The following DERL1 variants were observed in gnomAD, a reference collection of about 807,000 sequenced individuals.
DERL1 encodes the protein derlin-1.
Under a neutral mutation model 41.6 loss-of-function variants are expected in DERL1, and 24 were observed. The ratio of observed to expected loss-of-function variants is 0.58; its 90% CI spans 0.42 to 0.81. The LOEUF is 0.81. Ranked by LOEUF, DERL1 falls within the 30% of genes least tolerant of loss-of-function variation. The pLI is 0.00. For synonymous variants in DERL1, 124 were observed against 112.5 expected (o/e 1.10, Z -0.65); for missense variants, 260 against 314.3 (o/e 0.83, Z 1.31).
intron 2 of DERL1, among the ~76,000 whole-genome samples, chr8:123,026,763 ATGG>A (rs746766624): frequency 0.07 from 10,666 of 152,254 alleles, 367 homozygotes; most frequent in Middle Eastern, 0.095. Flanking sequence ...ATTATTCACA[ATGG>A]CCAAAAAATG....
At chr8:123,031,237 AT>A (rs1394048497) in intron 1 of DERL1, among the ~76,000 whole-genome samples, 2 of 152,166 alleles carry the variant, frequency 1.3e-5, no homozygotes, top group Admixed American at 1.3e-4. Flanking sequence ...CAAACAAAAC[AT>A]AAGAAGGGTC....
rs1814505541 is a variant in DERL1, at chr8:123,014,624, G to A, written c.*823C>T. The A allele has an allele frequency of 6.6e-6, 1 of 152,318 alleles. No homozygotes were observed. Among genetic ancestry groups the A allele is most frequent in the Non-Finnish European group, 1.5e-5 (1 of 68,040 alleles). The allele number at this position is 152,318 out of a possible 1,614,324, so 9.4% of individuals were successfully genotyped here. On this transcript the variant is annotated 3_prime_UTR_variant, in exon 8 of 8. Transcript: ENST00000259512. ...TACTCCAGCTACACAAAGCCAGTAG[G>A]CCTACATATGAAACGCAAAGGGGTT...
intron 1 of DERL1, among the ~76,000 whole-genome samples, chr8:123,037,657 C>T (rs906209380): frequency 4.6e-5 from 7 of 152,196 alleles, no homozygotes; most frequent in Admixed American, 3.3e-4. Flanking sequence ...TTGCTACATA[C>T]TTATTTTTTT....
chr8:123,026,766 G>C (rs60165351), intron 2 of DERL1, among the ~76,000 whole-genome samples: 1 of 131,608 alleles, frequency 7.6e-6, no homozygotes, highest in Non-Finnish European at 1.7e-5. Flanking sequence ...ATTCACAATG[G>C]CCAAAAAATG....
intron 2 of DERL1, among the ~76,000 whole-genome samples, chr8:123,029,965 C>T (rs1812786098): frequency 6.6e-6 from 1 of 152,010 alleles, no homozygotes; most frequent in Non-Finnish European, 1.5e-5. Context: ...GAGGCTGAGG[C>T]ATGAGAATTG....
At chr8:123,035,451 C>T (rs1405872227) in intron 1 of DERL1, among the ~76,000 whole-genome samples, 4 of 152,118 alleles carry the variant, frequency 2.6e-5, no homozygotes, top group African/African-American at 7.2e-5. Context: ...ACTGGCTTTA[C>T]GTTCAGTGCC....
At chr8:123,026,628 C>G (rs993398826) in intron 2 of DERL1, among the ~76,000 whole-genome samples, 1 of 152,222 alleles carries the variant, frequency 6.6e-6, no homozygotes, top group African/African-American at 2.4e-5. Context: ...ACTGCGTTAA[C>G]TCAAAGAGCT....
intron 3 of DERL1, among the ~76,000 whole-genome samples, chr8:123,024,376 G>A (rs1189189098): frequency 2.6e-5 from 4 of 152,196 alleles, no homozygotes; most frequent in South Asian, 2.1e-4. Flanking sequence ...TTAAATGGCA[G>A]CTGAGCCCAA....
chr8:123,031,294 C>T (rs1812811415), intron 1 of DERL1, among the ~76,000 whole-genome samples: 1 of 152,144 alleles, frequency 6.6e-6, no homozygotes, highest in South Asian at 2.1e-4. Flanking sequence ...CCTGTAATCC[C>T]AGCACTTTAG....
intron 3 of DERL1, among the ~76,000 whole-genome samples, chr8:123,024,410 T>C (rs1563631099): frequency 6.6e-6 from 1 of 152,144 alleles, no homozygotes; most frequent in Non-Finnish European, 1.5e-5. Flanking sequence ...CTCACCAATT[T>C]TGCACAGGAC....
At chr8:123,016,294 C>T (rs1814567831) in intron 7 of DERL1, 1 of 152,182 alleles carries the variant, frequency 6.6e-6, no homozygotes, top group South Asian at 2.1e-4. Context: ...CAACTATTTC[C>T]CATCTTTGAC....
At chr8:123,037,210 C>T (rs1201213898) in intron 1 of DERL1, among the ~76,000 whole-genome samples, 1 of 152,114 alleles carries the variant, frequency 6.6e-6, no homozygotes, top group Non-Finnish European at 1.5e-5. Flanking sequence ...ATTTATCAGG[C>T]TACTTATTGG....
In DERL1 at chr8:123,013,578, G is replaced by A. The variant is rs578185112; in HGVS notation, c.*1869C>T. 25 of 152,110 alleles carry A rather than the reference G, an allele frequency of 1.6e-4. No homozygotes were observed. Among genetic ancestry groups the A allele is most frequent in the Non-Finnish European group, 5.9e-5 (4 of 68,028 alleles). 9.4% of individuals were successfully genotyped at this position (152,110 alleles called of 1,614,324 possible). A position where few individuals can be genotyped will look rare whatever the true frequency, so the allele number is the denominator to read the frequency against. On this transcript the variant is annotated 3_prime_UTR_variant, in exon 8 of 8. Transcript: ENST00000259512. ...ATCAGCTTCCTAACCATGTTTAAGA[G>A]GAATAACTTCATGAACATTTTGCCC...
Position 123,022,723 on chromosome 8 carries a change from T to C in DERL1, c.414A>G (p.Arg138=), listed in dbSNP as rs1285311319. 6.2e-7 allele frequency: 1 copy of C among 1,614,150 alleles called. No homozygotes were observed. The highest frequency in any genetic ancestry group is 1.1e-5 in the South Asian group (1 of 91,086). The change falls in exon 5 of 8, where the codon AGA becomes AGG. Residue 138 remains arginine (R), a synonymous_variant. Coordinates refer to ENST00000259512, the MANE Select transcript of DERL1 (RefSeq NM_024295.6). ...CAAACCAAAATGATACAATCATGTC[T>C]CTGTTCAGCTGGGCCCAGACATAAA... The part of the protein sequence containing the change: ...SVLYVWAQLN[R]DMIVSFWFGT...
At chr8:123,025,929 C>T (rs186683510) in intron 2 of DERL1, among the ~76,000 whole-genome samples, 27 of 152,090 alleles carry the variant, frequency 1.8e-4, no homozygotes, top group African/African-American at 5.5e-4. Context: ...ACAACGGCCT[C>T]CCGTGTAAGC....
rs956879724 is a variant in DERL1, at chr8:123,030,696, G to A, written c.174C>T (p.Ala58=). The change falls in exon 2 of 8, where the codon GCC becomes GCT. Residue 58 remains alanine (A), a synonymous_variant. Coordinates refer to ENST00000259512, the MANE Select transcript of DERL1 (RefSeq NM_024295.6). ...YRFQIWRPIT[A]TFYFPVGPGT... is the part of the protein sequence containing the mutation. ...CTGGACCCACAGGGAAATAAAAGGT[G>A]GCAGTGATTGGCCTCCAAATCTGTC... 4 of 1,612,124 alleles carry A rather than the reference G, an allele frequency of 2.5e-6. No individual in the cohort carries two copies. The highest frequency in any genetic ancestry group is 3.4e-6 in the Non-Finnish European group (4 of 1,178,984).
intron 1 of DERL1, among the ~76,000 whole-genome samples, chr8:123,032,813 G>A (rs1464039917): frequency 1.4e-5 from 2 of 145,856 alleles, no homozygotes; most frequent in Non-Finnish European, 3.0e-5. Flanking sequence ...ACACCATTCT[G>A]TTTGGAATTG....
chr8:123,016,570 T>A (rs1363987610), intron 7 of DERL1: 2 of 152,198 alleles, frequency 1.3e-5, no homozygotes, highest in Non-Finnish European at 2.9e-5. Flanking sequence ...TGCTTATAAA[T>A]TCATCTGATC....
At chr8:123,020,900 A>C (rs1479388665) in intron 6 of DERL1, among the ~76,000 whole-genome samples, 1 of 150,424 alleles carries the variant, frequency 6.6e-6, no homozygotes, top group African/African-American at 2.4e-5. Context: ...CATGAGGCAG[A>C]GGTTACAATG....
Sources: allele counts gnomAD v4.1 joint callset (sites outside exome capture counted in the v4.1 genomes callset), GRCh38; gene constraint gnomAD v4.1.1; transcripts MANE v1.5; gene names NCBI Gene and HGNC (gene_info 2026-07-23, HGNC 2026-07-21).